The following SUPT16H variants were observed in gnomAD, a reference collection of about 807,000 sequenced individuals.
The protein encoded by SUPT16H is FACT complex subunit SPT16.
In SUPT16H, 24 loss-of-function variants were observed where a neutral mutation model predicts 136.2. The ratio of observed to expected loss-of-function variants is 0.18; its 90% CI spans 0.13 to 0.25. SUPT16H has a LOEUF of 0.25. SUPT16H is among the 10% of genes least tolerant of loss of function. SUPT16H has a pLI of 1.00. For missense variants in SUPT16H, 623 were observed against 1,270.2 expected, an observed-to-expected ratio of 0.49 and a Z score of 7.74; for synonymous variants, 415 against 428.2, an observed-to-expected ratio of 0.97 and a Z score of 0.38.
Position 21,362,780 on chromosome 14 carries a change from C to T in SUPT16H, c.1665+14G>A. On this transcript the variant is annotated intron_variant, in intron 14 of 25. Coordinates refer to ENST00000216297, the MANE Select transcript of SUPT16H (RefSeq NM_007192.4). ...AACAGTTTGGATGAAACCTGATGCA[C>T]TGAATGTCAGTACCTTGATTGTGGC... 1 of 1,589,784 alleles carries T rather than the reference C, an allele frequency of 6.3e-7. No homozygotes were observed. The highest frequency in any genetic ancestry group is 8.5e-7 in the Non-Finnish European group (1 of 1,172,752).
chr14:21,372,328 T>C lies in SUPT16H; in HGVS notation c.160-284A>G, dbSNP rs371713213. ...AAATCAGTTAAACGATTTGTGTTTATAGGAAGTATATCAATGTTTAGTGAT... is the reference window on the plus strand; with the variant it reads ...AAATCAGTTAAACGATTTGTGTTTACAGGAAGTATATCAATGTTTAGTGAT... On this transcript the variant is annotated intron_variant, in intron 2 of 25. Transcript: ENST00000216297. 6.8e-5 allele frequency: 25 copies of C among 365,292 alleles called. No individual in the cohort carries two copies. The East Asian group carries it at 8.2e-4, about 12-fold the overall frequency. The allele number at this position is 365,292 out of a possible 1,614,324, so 22.6% of individuals were successfully genotyped here.
intron 23 of SUPT16H, among the ~76,000 whole-genome samples, chr14:21,354,144 A>G (rs1395644798): frequency 6.6e-6 from 1 of 152,200 alleles, no homozygotes; most frequent in Non-Finnish European, 1.5e-5. Context: ...TTAAAAAATA[A>G]TTTTTGCAAA....
chr14:21,371,325 C>T (rs2139412549), intron 3 of SUPT16H, among the ~76,000 whole-genome samples: 1 of 152,112 alleles, frequency 6.6e-6, no homozygotes, highest in South Asian at 2.1e-4. Context: ...CTCACGTTGC[C>T]CAGGCTGGTC....
Position 21,368,453 on chromosome 14 carries a change from C to T in SUPT16H, c.783-12G>A, listed in dbSNP as rs61971521. 0.029 allele frequency: 45,370 copies of T among 1,580,024 alleles called. 1,001 individuals are homozygous for T. The highest frequency in any genetic ancestry group is 0.12 in the African/African-American group (8,639 of 73,196). On this transcript the variant is annotated splice_polypyrimidine_tract_variant and intron_variant, in intron 6 of 25. Coordinates refer to ENST00000216297, the MANE Select transcript of SUPT16H (RefSeq NM_007192.4). ...TATGATTCTTGTCACTAGAGACCAACAAAGAAAGAAAACATTTCATTACCA... is the reference window on the plus strand; with the variant it reads ...TATGATTCTTGTCACTAGAGACCAATAAAGAAAGAAAACATTTCATTACCA...
chr14:21,368,894 G>A (rs1011986964), intron 6 of SUPT16H, among the ~76,000 whole-genome samples: 7 of 152,178 alleles, frequency 4.6e-5, no homozygotes, highest in African/African-American at 1.4e-4. Context: ...GGAAAAAATA[G>A]ATAACAGAGA....
At chr14:21,372,804 ACTT>A in intron 2 of SUPT16H, 1 of 366,898 alleles carries the variant, frequency 2.7e-6, no homozygotes. Flanking sequence ...TGATATTAAT[ACTT>A]CTTTTTCCTT....
intron 24 of SUPT16H, 26 bp downstream of exon 24, chr14:21,353,677 G>T: frequency 1.2e-6 from 2 of 1,607,552 alleles, no homozygotes; most frequent in Non-Finnish European, 1.7e-6. Flanking sequence ...AGGAAGCCAG[G>T]ACGAACTTTG....
chr14:21,353,975 CTTGT>C (rs913189383), intron 23 of SUPT16H, 143 bp from the exon 24 acceptor site: 1 of 740,234 alleles, frequency 1.4e-6, no homozygotes, highest in African/African-American at 1.8e-5. Context: ...GATAAAATGA[CTTGT>C]TTAAAATTAG....
chr14:21,372,827 A>C (rs769320925), intron 2 of SUPT16H: 1 of 350,904 alleles, frequency 2.8e-6, no homozygotes, highest in Non-Finnish European at 5.5e-6. Context: ...TATGTCTTAA[A>C]TCACTGCTAA....
intron 1 of SUPT16H, among the ~76,000 whole-genome samples, chr14:21,378,999 C>A (rs898137289): frequency 6.6e-6 from 1 of 152,152 alleles, no homozygotes; most frequent in Non-Finnish European, 1.5e-5. Flanking sequence ...TTGAACCAAA[C>A]TGATACTGCC....
Position 21,352,096 on chromosome 14 carries a change from G to C in SUPT16H, c.*577C>G, listed in dbSNP as rs775994569. 1.3e-5 allele frequency: 2 copies of C among 155,388 alleles called. No homozygotes were observed. Among genetic ancestry groups the C allele is most frequent in the African/African-American group, 4.8e-5 (2 of 41,470 alleles). The allele number at this position is 155,388 out of a possible 1,614,324, so 9.6% of individuals were successfully genotyped here. A position where few individuals can be genotyped will look rare whatever the true frequency, so the allele number is the denominator to read the frequency against. The stretch of plus-strand genomic sequence containing the variant: ...AGCAGATATACCTCAGAATCTGCAC[G>C]AGGCAGGAAAGCAGGAAAACTCAGA... On this transcript the variant is annotated 3_prime_UTR_variant, in exon 26 of 26. Coordinates refer to ENST00000216297, the MANE Select transcript of SUPT16H (RefSeq NM_007192.4).
chr14:21,362,181 T>C lies in SUPT16H; in HGVS notation c.1793+16A>G, dbSNP rs77935503. 2.9e-3 allele frequency: 4,619 copies of C among 1,609,922 alleles called. 111 individuals are homozygous for C. The African/African-American group carries it at 0.056, about 19-fold the overall frequency. On this transcript the variant is annotated intron_variant, in intron 15 of 25. Transcript: ENST00000216297. ...AGACAAGATGAATCTGGGTATGACT[T>C]TTCTTGGGGACTCACATTTCCTTGA...
In SUPT16H at chr14:21,366,462, C is replaced by T. The variant is rs1254033872; in HGVS notation, c.1023G>A (p.Leu341=). The T allele has an allele frequency of 6.8e-6, 11 of 1,614,062 alleles. No individual in the cohort carries two copies. In the South Asian group the frequency reaches 1.1e-4, roughly 16 times the overall value. The change falls in exon 8 of 26, where the codon CTG becomes CTA. Residue 341 remains leucine, a synonymous_variant. Transcript: ENST00000216297. ...ACCCTAGGTTTTTGGTAATTTTGTT[C>T]AGCAGTTCTGGCTTCTGCTTTTTAA... ...DVVKKQKPEL[L]NKITKNLGFG...
chr14:21,378,665 G>A (rs571676200), intron 1 of SUPT16H, among the ~76,000 whole-genome samples: 1 of 152,192 alleles, frequency 6.6e-6, no homozygotes, highest in South Asian at 2.1e-4. Flanking sequence ...ACACAAAGAA[G>A]TTAAATTCAG....
chr14:21,362,064 T>C (rs564120974), intron 15 of SUPT16H, 133 bp downstream of exon 15: 6 of 1,090,394 alleles, frequency 5.5e-6, no homozygotes, highest in Middle Eastern at 3.2e-4. Flanking sequence ...AAGAAGGCGA[T>C]CCGAAACAAG....
At chr14:21,371,441 C>T (rs1181521013) in intron 3 of SUPT16H, among the ~76,000 whole-genome samples, 1 of 152,096 alleles carries the variant, frequency 6.6e-6, no homozygotes, top group Non-Finnish European at 1.5e-5. Flanking sequence ...TCTTCAGAAA[C>T]AGTTAAGAAA....
chr14:21,364,853 T>C lies in SUPT16H; in HGVS notation c.1207A>G (p.Ile403Val). Residue 403 changes from isoleucine (I) to valine (V), a missense_variant, in exon 10 of 26, where the codon ATT (isoleucine) becomes GTT (valine). Ile to Val is a conservative substitution (Grantham distance 29). Around this residue, in one of 7 missense-constraint regions of SUPT16H, gnomAD observed 343 missense variants for 525.7 expected, o/e 0.65. Coordinates refer to ENST00000216297, the MANE Select transcript of SUPT16H (RefSeq NM_007192.4). The stretch of plus-strand genomic sequence containing the variant: ...TCATCCACAAGCACTGTGTCACCAA[T>C]GAACAGGGCATAGGTTTTCTCTTCT... ...KPEEKTYALF[I>V]GDTVLVDEDG... The C allele has an allele frequency of 6.2e-7, 1 of 1,612,670 alleles. No individual in the cohort carries two copies. The highest frequency in any genetic ancestry group is 8.5e-7 in the Non-Finnish European group (1 of 1,180,018).
intron 1 of SUPT16H, among the ~76,000 whole-genome samples, chr14:21,377,893 A>G (rs577107980): frequency 4.6e-5 from 7 of 152,156 alleles, no homozygotes; most frequent in Non-Finnish European, 7.3e-5. Context: ...CAAAATGCTG[A>G]TATTACAGGC....
intron 22 of SUPT16H, among the ~76,000 whole-genome samples, chr14:21,356,905 A>G (rs1052374552): frequency 6.6e-6 from 1 of 152,096 alleles, no homozygotes; most frequent in Non-Finnish European, 1.5e-5. Context: ...ACGTGGGAGG[A>G]TCGCTTGAGC....
Sources: gnomAD v4.1 joint callset for allele counts (sites outside exome capture counted in the v4.1 genomes callset) on GRCh38, gnomAD v4.1.1 for gene constraint, gnomAD v4.1.1 regional missense constraint, MANE v1.5 for transcripts, NCBI Gene and HGNC (gene_info 2026-07-23, HGNC 2026-07-21) for gene names.